KRAS: variants seen among roughly 807,000 people sequenced by gnomAD.
The protein encoded by KRAS is GTPase KRas.
KRAS carries 1 observed loss-of-function variant against 21.0 expected under a neutral mutation model. The observed-to-expected ratio is 0.05, with a 90% CI of 0.02 to 0.23. The LOEUF (loss-of-function observed/expected upper bound fraction) is 0.23. Ranked by LOEUF, KRAS falls within the 10% of genes least tolerant of loss-of-function variation. The pLI is 1.00. For synonymous variants in KRAS, 67 were observed against 72.5 expected (o/e 0.92, Z 0.39); for missense variants, 107 against 221.8 (o/e 0.48, Z 3.29).
intron 4 of KRAS, among the ~76,000 whole-genome samples, chr12:25,221,152 C>T (rs897758257): frequency 3.3e-5 from 5 of 151,146 alleles, no homozygotes; most frequent in African/African-American, 1.2e-4. Flanking sequence ...AACCTAACTT[C>T]TAGTAGCTAA....
intron 4 of KRAS, chr12:25,211,262 T>G (rs1221034225): frequency 1.3e-5 from 2 of 152,194 alleles, no homozygotes; most frequent in Non-Finnish European, 2.9e-5. Context: ...TCAAGTGATA[T>G]TATCTTGAAA....
chr12:25,227,897 C>A (rs1005743648), intron 2 of KRAS, among the ~76,000 whole-genome samples: 1 of 152,086 alleles, frequency 6.6e-6, no homozygotes, highest in Non-Finnish European at 1.5e-5. Context: ...TACATGTACA[C>A]CAATGTTCGC....
intron 1 of KRAS, among the ~76,000 whole-genome samples, chr12:25,249,387 T>G (rs1951733514): frequency 6.9e-6 from 1 of 145,142 alleles, no homozygotes; most frequent in Non-Finnish European, 1.5e-5. Flanking sequence ...ACAGAGCAGA[T>G]GGAGACCATC....
intron 2 of KRAS, among the ~76,000 whole-genome samples, chr12:25,228,896 TA>T (rs1951428512): frequency 6.6e-6 from 1 of 151,854 alleles, no homozygotes; most frequent in Non-Finnish European, 1.5e-5. Context: ...CCATCTCTAT[TA>T]AAATACAAAA....
intron 2 of KRAS, among the ~76,000 whole-genome samples, chr12:25,241,528 T>C (rs888434132): frequency 6.6e-6 from 1 of 152,242 alleles, no homozygotes; most frequent in African/African-American, 2.4e-5. Context: ...TTTAAATCTT[T>C]GTTATACTTG....
chr12:25,216,264 T>C (rs1046470235), intron 4 of KRAS, among the ~76,000 whole-genome samples: 1 of 152,212 alleles, frequency 6.6e-6, no homozygotes, highest in Non-Finnish European at 1.5e-5. Context: ...TTTTGTATCC[T>C]TACTACAAGT....
In KRAS at chr12:25,207,827, C is replaced by A. The variant is rs1398016173; in HGVS notation, c.*1968G>T. On this transcript the variant is annotated 3_prime_UTR_variant, in exon 5 of 5. Coordinates refer to ENST00000311936, the MANE Select transcript of KRAS (RefSeq NM_004985.5). ...ATGGTATCTGTCAGATTCTCTTGAGCCCTGAGGAAATAAGATGTAGGGCAT... is the reference window on the plus strand; with the variant it reads ...ATGGTATCTGTCAGATTCTCTTGAGACCTGAGGAAATAAGATGTAGGGCAT... The A allele has an allele frequency of 8.6e-6, 2 of 232,948 alleles. No individual in the cohort carries two copies. Among genetic ancestry groups the A allele is most frequent in the African/African-American group, 4.4e-5 (2 of 45,292 alleles). 14.4% of individuals were successfully genotyped at this position (232,948 alleles called of 1,614,324 possible).
chr12:25,209,806 C>A lies in KRAS; in HGVS notation c.556G>T (p.Val186Leu), dbSNP rs1432921036. ...AGTACAAATTGTATTTACATAATTACACACTTTGTCTTTGACTTCTTTTTC... is the reference window on the plus strand; with the variant it reads ...AGTACAAATTGTATTTACATAATTAAACACTTTGTCTTTGACTTCTTTTTC... Reference protein sequence around the residue: ...KKKKKSKTKCVIM With the variant: ...KKKKKSKTKCLIM Residue 186 changes from valine (V) to leucine (L), a missense_variant, in exon 5 of 5, where the codon GTA (valine) becomes TTA (leucine). Val to Leu is a conservative substitution (Grantham distance 32, BLOSUM62 1). Around this residue, in one of 2 missense-constraint regions of KRAS, gnomAD observed 65 missense variants for 82.3 expected, o/e 0.79. Coordinates refer to ENST00000311936, the MANE Select transcript of KRAS (RefSeq NM_004985.5). The A allele has an allele frequency of 6.2e-7, 1 of 1,607,834 alleles. No homozygotes were observed.
intron 2 of KRAS, among the ~76,000 whole-genome samples, chr12:25,238,080 T>C (rs985321989): frequency 3.9e-5 from 6 of 152,144 alleles, no homozygotes; most frequent in African/African-American, 1.2e-4. Flanking sequence ...ACTAAGACAT[T>C]CACTAAAAGT....
chr12:25,211,489 T>G (rs907043392), intron 4 of KRAS, among the ~76,000 whole-genome samples: 1 of 151,990 alleles, frequency 6.6e-6, no homozygotes, highest in Non-Finnish European at 1.5e-5. Context: ...GCAGGAGAAT[T>G]GCTGAACCCG....
intron 1 of KRAS, among the ~76,000 whole-genome samples, chr12:25,247,818 T>G (rs1457271715): frequency 6.6e-6 from 1 of 152,244 alleles, no homozygotes; most frequent in Non-Finnish European, 1.5e-5. Context: ...GCCACATCAT[T>G]AAAGAGATTT....
chr12:25,240,927 A>T (rs1464081282), intron 2 of KRAS, among the ~76,000 whole-genome samples: 1 of 152,196 alleles, frequency 6.6e-6, no homozygotes. Flanking sequence ...ATAAAACTCT[A>T]CAAAATGTGC....
In KRAS at chr12:25,206,510, A is replaced by G. The variant is rs767402539; in HGVS notation, c.*3285T>C. ...AAACAAATCTTTTGTTAAACCATTC[A>G]AAGTTCACATAAAGGTAATTAACCA... On this transcript the variant is annotated 3_prime_UTR_variant, in exon 5 of 5. Coordinates refer to ENST00000311936, the MANE Select transcript of KRAS (RefSeq NM_004985.5). The G allele has an allele frequency of 5.2e-6, 1 of 194,020 alleles. No homozygotes were observed. The highest frequency in any genetic ancestry group is 2.4e-5 in the African/African-American group (1 of 42,298). The allele number at this position is 194,020 out of a possible 1,614,324, so 12.0% of individuals were successfully genotyped here.
rs566950797 is a variant in KRAS at position 25,248,589 on chromosome 12, A to T, written c.-12+2162T>A. ...CATGTATCTTCCGGTTTACTTGTTT[A>T]TGCGGTGGTTGTTTCCAGAAAAAAA... On this transcript the variant is annotated intron_variant, in intron 1 of 4. Transcript: ENST00000311936. 1.6e-4 allele frequency among the ~76,000 whole-genome samples: 24 copies of T among 150,486 alleles called. No individual in the cohort carries two copies. The South Asian group carries it at 4.8e-3, about 30-fold the overall frequency.
chr12:25,214,625 G>A (rs149861667), intron 4 of KRAS, among the ~76,000 whole-genome samples: 6 of 152,114 alleles, frequency 3.9e-5, no homozygotes, highest in African/African-American at 1.4e-4. Context: ...CTGACCTCAG[G>A]TGATCACCCG....
At chr12:25,229,901 T>C (rs1746724169) in intron 2 of KRAS, among the ~76,000 whole-genome samples, 1 of 152,066 alleles carries the variant, frequency 6.6e-6, no homozygotes, top group Non-Finnish European at 1.5e-5. Context: ...CTTGAGTAGC[T>C]GGGATTCTAG....
intron 4 of KRAS, among the ~76,000 whole-genome samples, chr12:25,212,525 G>A (rs1464906871): frequency 1.3e-5 from 2 of 151,912 alleles, no homozygotes; most frequent in Non-Finnish European, 2.9e-5. Flanking sequence ...AGGAGTTTGA[G>A]ACCAGCCTGG....
intron 2 of KRAS, among the ~76,000 whole-genome samples, chr12:25,240,529 C>T (rs1323288242): frequency 1.3e-5 from 2 of 152,124 alleles, no homozygotes; most frequent in African/African-American, 4.8e-5. Context: ...TCTAGAGATA[C>T]CTAAAACTAA....
chr12:25,216,888 AAAAG>A (rs1343847151), intron 4 of KRAS, among the ~76,000 whole-genome samples: 2 of 152,328 alleles, frequency 1.3e-5, no homozygotes, highest in East Asian at 3.9e-4. Flanking sequence ...AGTGCAAATT[AAAAG>A]ATGTAATATT....
Sources: gnomAD v4.1 joint callset for allele counts (sites outside exome capture counted in the v4.1 genomes callset) on GRCh38, gnomAD v4.1.1 for gene constraint, gnomAD v4.1.1 regional missense constraint, MANE v1.5 for transcripts, NCBI Gene and HGNC (gene_info 2026-07-23, HGNC 2026-07-21) for gene names.